The following ALDH4A1 variants were observed in gnomAD, a reference collection of about 807,000 sequenced individuals.
The protein encoded by ALDH4A1 is aldehyde dehydrogenase 4 family member A1, also known as delta-1-pyrroline-5-carboxylate dehydrogenase, mitochondrial.
A neutral mutation model predicts 70.5 loss-of-function variants in ALDH4A1; 46 were observed. The ratio of observed to expected loss-of-function variants is 0.65; its 90% CI spans 0.51 to 0.83. ALDH4A1 has a LOEUF of 0.83. Ranked by LOEUF, ALDH4A1 falls within the 40% of genes least tolerant of loss-of-function variation. The pLI, the probability that ALDH4A1 is intolerant of heterozygous loss-of-function variation, is 0.00. For missense variants in ALDH4A1, 749 were observed against 766.5 expected, an observed-to-expected ratio of 0.98 and a Z score of 0.27; for synonymous variants, 323 against 324.3, an observed-to-expected ratio of 1.00 and a Z score of 0.04.
intron 7 of ALDH4A1, chr1:18,882,477 C>A (rs1935020200): frequency 4.1e-6 from 2 of 489,332 alleles, no homozygotes; most frequent in Admixed American, 2.0e-5. Context: ...GGGACTTCAT[C>A]CAGTAATAGC....
At chr1:18,874,963 C>T (rs561641541) in intron 13 of ALDH4A1, among the ~76,000 whole-genome samples, 1 of 152,400 alleles carries the variant, frequency 6.6e-6, no homozygotes, top group East Asian at 1.9e-4. Flanking sequence ...GCAACCAGTG[C>T]CACGGAGGAA....
rs1935809968 is a variant in ALDH4A1 at position 18,901,875 on chromosome 1, G to T, written c.62+587C>A. ...TTCATTATAAGCACTCTATAAATAT[G>T]ATTATTCCACCTACAAGAAGAAAGG... On this transcript the variant is annotated intron_variant, in intron 1 of 14. Coordinates refer to ENST00000375341, the MANE Select transcript of ALDH4A1 (RefSeq NM_003748.4). 2.0e-5 allele frequency among the ~76,000 whole-genome samples: 3 copies of T among 146,538 alleles called. No homozygotes were observed. The South Asian group carries it at 6.9e-4, about 34-fold the overall frequency.
intron 4 of ALDH4A1, 29 bp downstream of exon 4, chr1:18,886,435 C>T (rs537118676): frequency 1.3e-5 from 21 of 1,613,478 alleles, no homozygotes; most frequent in South Asian, 8.8e-5. Context: ...ACCCTAACCC[C>T]GGGTCACCAG....
chr1:18,876,428 A>AGCGC lies in ALDH4A1; in HGVS notation c.1224_1225insGCGC (p.Ser409AlafsTer15). 3.1e-6 allele frequency: 5 copies of AGCGC among 1,608,900 alleles called. No individual in the cohort carries two copies. Among genetic ancestry groups the AGCGC allele is most frequent in the Non-Finnish European group, 2.5e-6 (3 of 1,178,372 alleles). On this transcript the variant is annotated frameshift_variant, in exon 12 of 15. Coordinates refer to ENST00000375341, the MANE Select transcript of ALDH4A1 (RefSeq NM_003748.4). LOFTEE classifies it high-confidence loss of function. ...GCCAGGATGGTGAGGCTGGGTGAGG[A>AGCGC]GCGTGCGTGCTCCAGCCACTTCTTG...
At position 18,881,582 on chromosome 1, in the gene ALDH4A1, T is replaced by G; in HGVS notation, c.866+118A>C. The G allele has an allele frequency of 2.7e-6, 3 of 1,103,342 alleles. No individual in the cohort carries two copies. The South Asian group carries it at 4.0e-5, about 15-fold the overall frequency. The allele number at this position is 1,103,342 out of a possible 1,614,324, so 68.3% of individuals were successfully genotyped here. ...GGCTCACTCATAGCCACACAGCAAG[T>G]AAGGGAGTAGAGTCCGTGCATGACC... On this transcript the variant is annotated intron_variant, in intron 8 of 14. Coordinates refer to ENST00000375341, the MANE Select transcript of ALDH4A1 (RefSeq NM_003748.4).
In ALDH4A1 at chr1:18,881,842, T is replaced by C. The variant is rs1317770351; in HGVS notation, c.724A>G (p.Ser242Gly). The C allele has an allele frequency of 1.9e-6, 3 of 1,613,718 alleles. No individual in the cohort carries two copies. In the Admixed American group the frequency reaches 5.0e-5, roughly 27 times the overall value. Residue 242 changes from serine (S) to glycine (G), a missense_variant, in exon 8 of 15, where the codon AGC becomes GGC. Physicochemically the swap from Ser to Gly is moderately conservative, Grantham distance 56. Coordinates refer to ENST00000375341, the MANE Select transcript of ALDH4A1 (RefSeq NM_003748.4). Reference protein sequence around the residue: ...WKPSDTAMLASYAVYRILREA... With the variant: ...WKPSDTAMLAGYAVYRILREA... ...CGAAGGATGCGGTAGACAGCATAGC[T>C]GGCCAGCATGGCAGTGTCACTGGGC...
intron 1 of ALDH4A1, chr1:18,896,971 T>C (rs1008620321): frequency 2.2e-6 from 1 of 448,810 alleles, no homozygotes; most frequent in Non-Finnish European, 4.7e-6. Flanking sequence ...TCAGGCAACA[T>C]TTGTCAAGCA....
At chr1:18,895,376 C>T (rs1304804196) in intron 1 of ALDH4A1, among the ~76,000 whole-genome samples, 1 of 152,202 alleles carries the variant, frequency 6.6e-6, no homozygotes, top group African/African-American at 2.4e-5. Context: ...ACCGTTTCAC[C>T]TCCTGCACTG....
At chr1:18,883,221 G>C (rs1264904031) in intron 6 of ALDH4A1, 23 bp from the exon 7 acceptor site, 1 of 1,613,134 alleles carries the variant, frequency 6.2e-7, no homozygotes, top group South Asian at 1.1e-5. Context: ...GCAGCGGTGA[G>C]ATCAGGCCCA....
At chr1:18,887,422 ACCCTCTCTC>A (rs1027453381) in intron 3 of ALDH4A1, among the ~76,000 whole-genome samples, 4 of 152,182 alleles carry the variant, frequency 2.6e-5, no homozygotes, top group Non-Finnish European at 5.9e-5. Flanking sequence ...ACATGGTGAA[ACCCTCTCTC>A]TACTAAAAAT....
At chr1:18,874,391 C>G (rs1312577307) in intron 14 of ALDH4A1, 72 bp downstream of exon 14, 1 of 1,379,882 alleles carries the variant, frequency 7.2e-7, no homozygotes, top group Non-Finnish European at 1.0e-6. Flanking sequence ...TACTCTGAAG[C>G]CCCTCGAGAC....
intron 1 of ALDH4A1, among the ~76,000 whole-genome samples, chr1:18,892,364 C>T (rs1214156057): frequency 6.6e-6 from 1 of 152,168 alleles, no homozygotes; most frequent in Non-Finnish European, 1.5e-5. Context: ...TGGCTGCACA[C>T]AGGTGACCTT....
intron 1 of ALDH4A1, among the ~76,000 whole-genome samples, chr1:18,900,554 T>C (rs1935766346): frequency 6.6e-6 from 1 of 152,166 alleles, no homozygotes; most frequent in African/African-American, 2.4e-5. Flanking sequence ...GCCCCTGACA[T>C]GCAGCGGGTA....
intron 1 of ALDH4A1, among the ~76,000 whole-genome samples, chr1:18,893,273 T>C (rs1935504968): frequency 6.6e-6 from 1 of 152,114 alleles, no homozygotes; most frequent in African/African-American, 2.4e-5. Flanking sequence ...GGAAAATGGG[T>C]ACAATACTAC....
At chr1:18,892,558 C>CGG (rs66842291) in intron 1 of ALDH4A1, among the ~76,000 whole-genome samples, 178 of 122,244 alleles carry the variant, frequency 1.5e-3, no homozygotes, top group African/African-American at 4.7e-3. Context: ...TAGAAGGAGG[C>CGG]GGGGGGGGGC....
intron 1 of ALDH4A1, among the ~76,000 whole-genome samples, chr1:18,893,527 G>A (rs1935513792): frequency 2.0e-5 from 3 of 151,844 alleles, no homozygotes; most frequent in Non-Finnish European, 4.4e-5. Context: ...TTTTGAGTCG[G>A]AGTCTTACTC....
intron 7 of ALDH4A1, chr1:18,882,792 C>T (rs916375314): frequency 5.6e-5 from 33 of 591,300 alleles, no homozygotes; most frequent in Admixed American, 1.5e-4. Context: ...CAGCCAGCTC[C>T]GGGCCAGCCC....
At chr1:18,878,418 T>A (rs1411230598) in intron 9 of ALDH4A1, among the ~76,000 whole-genome samples, 3 of 151,780 alleles carry the variant, frequency 2.0e-5, no homozygotes, top group Non-Finnish European at 4.4e-5. Flanking sequence ...GCGCTCACCT[T>A]CCCTGACACC....
In ALDH4A1 at chr1:18,886,449, C is replaced by T; in HGVS notation, c.297+15G>A. On this transcript the variant is annotated intron_variant, in intron 4 of 14. Coordinates refer to ENST00000375341, the MANE Select transcript of ALDH4A1 (RefSeq NM_003748.4). Reference sequence around the variant, plus strand: ...AACCCTAACCCCGGGTCACCAGGCACACAGGCTCACTCACCTTGTCTGCAT... The same window carrying T: ...AACCCTAACCCCGGGTCACCAGGCATACAGGCTCACTCACCTTGTCTGCAT... 6.2e-7 allele frequency: 1 copy of T among 1,614,108 alleles called. No homozygotes were observed. Among genetic ancestry groups the T allele is most frequent in the Non-Finnish European group, 8.5e-7 (1 of 1,179,968 alleles).
Sources: gnomAD v4.1 joint callset for allele counts (sites outside exome capture counted in the v4.1 genomes callset) on GRCh38, gnomAD v4.1.1 for gene constraint, MANE v1.5 for transcripts, NCBI Gene and HGNC (gene_info 2026-07-23, HGNC 2026-07-21) for gene names.